The following AMZ1 variants were observed in gnomAD, a reference collection of about 807,000 sequenced individuals.
The protein encoded by AMZ1 is archaelysin family metallopeptidase 1.
In AMZ1, 39 loss-of-function variants were observed where a neutral mutation model predicts 29.9. That is an observed-to-expected ratio of 1.30 (90% CI 1.01 to 1.70). AMZ1 has a LOEUF of 1.70. AMZ1 is among the 40% of genes most tolerant of loss of function. AMZ1 has a pLI of 0.00. For missense variants in AMZ1, 1,041 were observed against 680.6 expected (o/e 1.53, Z -5.89); for synonymous variants, 458 against 304.0 (o/e 1.51, Z -5.27).
At chr7:2,689,956 T>C (rs1429701595) in intron 1 of AMZ1, among the ~76,000 whole-genome samples, 1 of 152,116 alleles carries the variant, frequency 6.6e-6, no homozygotes, top group Non-Finnish European at 1.5e-5. Context: ...AGAAATGACC[T>C]GGCAGGATGG....
chr7:2,702,667 A>T, intron 2 of AMZ1, 55 bp from the exon 3 acceptor site: 2 of 1,474,386 alleles, frequency 1.4e-6, no homozygotes, highest in Non-Finnish European at 1.8e-6. Context: ...TCCCGGGGAG[A>T]GGGTCCCAGG....
At chr7:2,749,937 T>C (rs1790947488) in intron 4 of AMZ1, among the ~76,000 whole-genome samples, 1 of 152,086 alleles carries the variant, frequency 6.6e-6, no homozygotes, top group Non-Finnish European at 1.5e-5. Flanking sequence ...AATACACAAG[T>C]AGTTGGAATC....
At chr7:2,762,787 G>C (rs977536903), upstream of AMZ1, 1 of 1,540,870 alleles carries the variant, frequency 6.5e-7, no homozygotes, top group Non-Finnish European at 8.8e-7. Context: ...CTGTACAAAA[G>C]GGAGGAGGAG....
chr7:2,701,717 G>A (rs547235707), intron 2 of AMZ1, among the ~76,000 whole-genome samples: 1 of 152,280 alleles, frequency 6.6e-6, no homozygotes, highest in South Asian at 2.1e-4. Flanking sequence ...CACGCCTTTC[G>A]GCATCTCGAC....
intron 1 of AMZ1, among the ~76,000 whole-genome samples, chr7:2,696,312 A>T (rs1270860473): frequency 2.8e-5 from 4 of 141,336 alleles, no homozygotes. Flanking sequence ...GCTGGAGTGC[A>T]GTGGTGCGAT....
rs920963456 is a variant in AMZ1, at chr7:2,718,291, A to G, written c.*5413A>G. 1.3e-5 allele frequency among the ~76,000 whole-genome samples: 2 copies of G among 152,182 alleles called. No individual in the cohort carries two copies. ...CCAGTGTCCATTTTCTCTCTCAGGC[A>G]GGGTGCTCTGCCCGCCACAGTGTGC... is the stretch of plus-strand genomic sequence containing the variant. On this transcript the variant is annotated 3_prime_UTR_variant, in exon 7 of 7. Transcript: ENST00000683327.
Position 2,753,293 on chromosome 7 carries a change from A to G in AMZ1, n.551-11419A>G, listed in dbSNP as rs774310242. On this transcript the variant is annotated intron_variant and non_coding_transcript_variant, in intron 4 of 4. Transcript: ENST00000489665. Reference sequence around the variant, plus strand: ...CTCAGCCTCCCAAGTAGCTGGGACTATAGGTGCATGCCACCACGATTGGCT... The same window carrying G: ...CTCAGCCTCCCAAGTAGCTGGGACTGTAGGTGCATGCCACCACGATTGGCT... 2.0e-5 allele frequency among the ~76,000 whole-genome samples: 3 copies of G among 152,276 alleles called. 1 individual carries two copies. In the South Asian group the frequency reaches 6.2e-4, roughly 32 times the overall value.
chr7:2,702,472 G>A lies in AMZ1; in HGVS notation c.305-250G>A, dbSNP rs1459804364. The A allele has an allele frequency of 7.6e-6, 4 of 526,382 alleles. No homozygotes were observed. In the Admixed American group the frequency reaches 1.1e-4, roughly 14 times the overall value. The allele number at this position is 526,382 out of a possible 1,614,324, so 32.6% of individuals were successfully genotyped here. The stretch of plus-strand genomic sequence containing the variant: ...GAGTCCCTGCCTGCTCTCTCCCTGA[G>A]CTCATATGCGATTGTCACTGCTGTC... On this transcript the variant is annotated intron_variant, in intron 2 of 6. Transcript: ENST00000683327.
At chr7:2,742,672 A>G (rs1400384936) in intron 4 of AMZ1, among the ~76,000 whole-genome samples, 1 of 152,224 alleles carries the variant, frequency 6.6e-6, no homozygotes, top group African/African-American at 2.4e-5. Context: ...AAACACCTGC[A>G]GAGTTTTGAT....
At chr7:2,754,056 C>T (rs945020367) in intron 4 of AMZ1, among the ~76,000 whole-genome samples, 2 of 152,220 alleles carry the variant, frequency 1.3e-5, no homozygotes, top group East Asian at 3.8e-4. Context: ...AACTCTTTTC[C>T]AGAACGGTTG....
upstream of AMZ1, among the ~76,000 whole-genome samples, chr7:2,760,996 A>C (rs1791527587): frequency 6.6e-6 from 1 of 152,192 alleles, no homozygotes; most frequent in Non-Finnish European, 1.5e-5. Flanking sequence ...CAGTCCTCAC[A>C]GTTCATGGGT....
In AMZ1 at chr7:2,716,697, C is replaced by G. The variant is rs186657366; in HGVS notation, c.*3819C>G. On this transcript the variant is annotated 3_prime_UTR_variant, in exon 7 of 7. Coordinates refer to ENST00000683327, the MANE Select transcript of AMZ1 (RefSeq NM_001384743.1). ...ACGGCCAGGCCTCGGAGAGAGGGAC[C>G]GGCTGCCCTGCCCAAGGCCCACCTG... Among the ~76,000 whole-genome samples, 1 of 152,224 alleles carries G rather than the reference C, an allele frequency of 6.6e-6. No homozygotes were observed. Among genetic ancestry groups the G allele is most frequent in the Non-Finnish European group, 1.5e-5 (1 of 68,042 alleles).
intron 1 of AMZ1, 117 bp from the exon 2 acceptor site, chr7:2,700,117 C>CCCTCGTCCTCTGCAGAGCTTCT (rs1787962492): frequency 3.0e-6 from 1 of 335,794 alleles, no homozygotes; most frequent in Non-Finnish European, 5.6e-6. Flanking sequence ...CCCTCTGACA[C>CCCTCGTCCTCTGCAGAGCTTCT]CCTCGTCCTC....
chr7:2,681,407 C>T (rs1279308728), intron 1 of AMZ1, among the ~76,000 whole-genome samples: 1 of 152,076 alleles, frequency 6.6e-6, no homozygotes, highest in Non-Finnish European at 1.5e-5. Context: ...AGGTGCATGC[C>T]ACCACGCCCG....
intron 3 of AMZ1, among the ~76,000 whole-genome samples, chr7:2,704,881 C>T (rs1318103529): frequency 2.0e-5 from 3 of 152,122 alleles, no homozygotes; most frequent in Non-Finnish European, 4.4e-5. Context: ...CAGGTGTGAG[C>T]CACTGCGCCC....
intron 4 of AMZ1, among the ~76,000 whole-genome samples, chr7:2,758,955 T>A (rs1469122149): frequency 6.6e-6 from 1 of 151,842 alleles, no homozygotes; most frequent in Non-Finnish European, 1.5e-5. Flanking sequence ...AGCCTCCTGA[T>A]ATGGTGAAAC....
rs530669876 is a variant in AMZ1 at position 2,716,327 on chromosome 7, G to C, written c.*3449G>C. ...CAAAAAGCCCAAACTCATTGTCAGA[G>C]TGGGGAGAGGGGAGAAGCAGCATCC... is the stretch of plus-strand genomic sequence containing the variant. On this transcript the variant is annotated 3_prime_UTR_variant, in exon 7 of 7. Coordinates refer to ENST00000683327, the MANE Select transcript of AMZ1 (RefSeq NM_001384743.1). 2.0e-5 allele frequency: 3 copies of C among 152,222 alleles called. No homozygotes were observed. The highest frequency in any genetic ancestry group is 4.8e-5 in the African/African-American group (2 of 41,442). 9.4% of individuals were successfully genotyped at this position (152,222 alleles called of 1,614,324 possible). A position where few individuals can be genotyped will look rare whatever the true frequency, so the allele number is the denominator to read the frequency against.
intron 4 of AMZ1, among the ~76,000 whole-genome samples, chr7:2,759,422 C>T (rs1791455769): frequency 6.6e-6 from 1 of 152,192 alleles, no homozygotes; most frequent in South Asian, 2.1e-4. Flanking sequence ...TATTACTGTT[C>T]TGTCCATGTG....
rs951927740 is a variant in AMZ1, at chr7:2,719,074, C to G, written c.*6196C>G. Among the ~76,000 whole-genome samples, 15 of 150,300 alleles carry G rather than the reference C, an allele frequency of 1.0e-4. No individual in the cohort carries two copies. Among genetic ancestry groups the G allele is most frequent in the Non-Finnish European group, 1.9e-4 (13 of 67,892 alleles). On this transcript the variant is annotated 3_prime_UTR_variant, in exon 7 of 7. Transcript: ENST00000683327. Reference sequence around the variant, plus strand: ...ACTTCTACCACATTCTACCTGTGCCCTTCTGGGTGGGTGGTGGCCGTCCTC... The same window carrying G: ...ACTTCTACCACATTCTACCTGTGCCGTTCTGGGTGGGTGGTGGCCGTCCTC...
Sources: allele counts gnomAD v4.1 joint callset (sites outside exome capture counted in the v4.1 genomes callset), GRCh38; gene constraint gnomAD v4.1.1; transcripts MANE v1.5; gene names NCBI Gene and HGNC (gene_info 2026-07-23, HGNC 2026-07-21).